Variants in HDAC9 observed in about 807,000 individuals in gnomAD.
The protein encoded by HDAC9 is MEF-2 interacting transcription repressor (MITR) protein.
In HDAC9, 41 loss-of-function variants were observed where a neutral mutation model predicts 139.4. The ratio of observed to expected loss-of-function variants is 0.29; its 90% CI spans 0.23 to 0.38. HDAC9 has a LOEUF of 0.38. HDAC9 is among the 10% of genes least tolerant of loss of function. HDAC9 has a pLI of 1.00. For missense variants in HDAC9, 1,147 were observed against 1,297.0 expected (o/e 0.88, Z 1.78); for synonymous variants, 517 against 476.2 (o/e 1.09, Z -1.12).
intron 6 of HDAC9, among the ~76,000 whole-genome samples, chr7:18,605,450 G>A (rs912877749): frequency 1.3e-5 from 2 of 152,100 alleles, no homozygotes; most frequent in African/African-American, 4.8e-5. Flanking sequence ...TTGGAGAGTA[G>A]GCTGTTGTTA....
At chr7:18,927,723 AC>A (rs1470685505) in intron 22 of HDAC9, among the ~76,000 whole-genome samples, 2 of 152,202 alleles carry the variant, frequency 1.3e-5, no homozygotes, top group African/African-American at 4.8e-5. Context: ...TGGTAGTGAG[AC>A]TTTTTAGCCA....
intron 21 of HDAC9, among the ~76,000 whole-genome samples, chr7:18,837,501 A>T (rs1047339367): frequency 6.6e-5 from 10 of 152,060 alleles, no homozygotes; most frequent in Admixed American, 6.6e-4. Context: ...TCCCAAGTTA[A>T]CCTGGTAACT....
intron 22 of HDAC9, among the ~76,000 whole-genome samples, chr7:18,935,097 G>C (rs1781531847): frequency 1.3e-5 from 2 of 152,112 alleles, no homozygotes; most frequent in South Asian, 4.1e-4. Context: ...GAAAGCAATG[G>C]AATTATAAAC....
chr7:18,784,960 TGTGTGTGTGTGTGTC>T (rs1791577939), intron 16 of HDAC9, among the ~76,000 whole-genome samples: 1 of 151,790 alleles, frequency 6.6e-6, no homozygotes, highest in African/African-American at 2.4e-5. Flanking sequence ...TGTGTGTGTG[TGTGTGTGTGTGTGTC>T]TGTGTGTGCA....
At chr7:18,777,042 T>C (rs1417519864) in intron 16 of HDAC9, among the ~76,000 whole-genome samples, 1 of 151,836 alleles carries the variant, frequency 6.6e-6, no homozygotes, top group East Asian at 1.9e-4. Flanking sequence ...GCTGAGATGC[T>C]GACATTTCTC....
intron 2 of HDAC9, among the ~76,000 whole-genome samples, chr7:18,524,048 T>C (rs1448342068): frequency 6.6e-6 from 1 of 152,040 alleles, no homozygotes; most frequent in Non-Finnish European, 1.5e-5. Context: ...CCTTACACTA[T>C]GAAAACATAG....
intron 21 of HDAC9, among the ~76,000 whole-genome samples, chr7:18,841,302 AT>A (rs888572453): frequency 6.6e-6 from 1 of 151,668 alleles, no homozygotes; most frequent in East Asian, 1.9e-4. Context: ...TACTGTTTGG[AT>A]TTTTTTTGTT....
intron 1 of HDAC9, among the ~76,000 whole-genome samples, chr7:18,132,731 CT>C (rs1785097386): frequency 6.6e-6 from 1 of 152,072 alleles, no homozygotes; most frequent in African/African-American, 2.4e-5. Flanking sequence ...TGGCTGAGTT[CT>C]TTGGACCTGT....
intron 16 of HDAC9, among the ~76,000 whole-genome samples, chr7:18,782,414 C>T (rs1791322696): frequency 6.6e-6 from 1 of 152,006 alleles, no homozygotes; most frequent in Admixed American, 6.6e-5. Context: ...TTTTAAATAC[C>T]TTCACATCCA....
chr7:18,622,300 T>C (rs1003013922), intron 6 of HDAC9, among the ~76,000 whole-genome samples: 6 of 152,128 alleles, frequency 3.9e-5, no homozygotes, highest in Non-Finnish European at 8.8e-5. Context: ...ATCCCAAATA[T>C]TCATTATTTT....
chr7:18,313,482 A>G (rs1427879187), intron 1 of HDAC9, among the ~76,000 whole-genome samples: 1 of 152,186 alleles, frequency 6.6e-6, no homozygotes, highest in Non-Finnish European at 1.5e-5. Context: ...CCAAATACTT[A>G]GTTCATTTTC....
intron 22 of HDAC9, among the ~76,000 whole-genome samples, chr7:18,925,155 T>C (rs1329702724): frequency 3.9e-5 from 6 of 152,172 alleles, no homozygotes; most frequent in African/African-American, 1.4e-4. Flanking sequence ...CAGGCACAAC[T>C]GGCACTGTGA....
At chr7:18,261,830 T>G (rs1024971613) in intron 2 of HDAC9, among the ~76,000 whole-genome samples, 6 of 152,224 alleles carry the variant, frequency 3.9e-5, no homozygotes. Flanking sequence ...CTTTAAAGAT[T>G]TCGTGTGTGC....
chr7:18,789,487 G>T (rs1792120831), intron 16 of HDAC9, among the ~76,000 whole-genome samples: 1 of 152,156 alleles, frequency 6.6e-6, no homozygotes, highest in Admixed American at 6.5e-5. Context: ...ACTTTAGCAA[G>T]ACCTTAGTAG....
chr7:18,310,402 A>G (rs1048833942), intron 1 of HDAC9, among the ~76,000 whole-genome samples: 1 of 152,170 alleles, frequency 6.6e-6, no homozygotes, highest in African/African-American at 2.4e-5. Context: ...TTTTAGCAAT[A>G]TGTGTGTCCT....
intron 2 of HDAC9, among the ~76,000 whole-genome samples, chr7:18,184,099 T>A (rs1789719979): frequency 6.6e-6 from 1 of 152,210 alleles, no homozygotes; most frequent in Admixed American, 6.5e-5. Flanking sequence ...AATATTTGCA[T>A]ATAAATAATG....
At chr7:18,412,835 A>G (rs561682225) in intron 1 of HDAC9, among the ~76,000 whole-genome samples, 2 of 152,314 alleles carry the variant, frequency 1.3e-5, no homozygotes, top group African/African-American at 2.4e-5. Flanking sequence ...ATCTAATGAA[A>G]ACTTGAAAAA....
At chr7:18,170,395 C>T (rs1381137463) in intron 2 of HDAC9, among the ~76,000 whole-genome samples, 3 of 151,992 alleles carry the variant, frequency 2.0e-5, no homozygotes, top group South Asian at 2.1e-4. Context: ...CTGTAGGTTG[C>T]CTGTTCACTC....
chr7:18,687,884 AC>A (rs1209486549), intron 12 of HDAC9, among the ~76,000 whole-genome samples: 1 of 151,824 alleles, frequency 6.6e-6, no homozygotes, highest in Non-Finnish European at 1.5e-5. Flanking sequence ...TTTAGTCTTT[AC>A]CCAATAAATT....
Sources: gnomAD v4.1 joint callset for allele counts (sites outside exome capture counted in the v4.1 genomes callset) on GRCh38, gnomAD v4.1.1 for gene constraint, MANE v1.5 for transcripts, NCBI Gene and HGNC (gene_info 2026-07-23, HGNC 2026-07-21) for gene names.